Variants in OR56A3 observed in about 807,000 individuals in gnomAD.
OR56A3 encodes olfactory receptor family 56 subfamily A member 3.
OR56A3 carries 23 observed loss-of-function variants against 17.5 expected under a neutral mutation model. The ratio of observed to expected loss-of-function variants is 1.32; its 90% CI spans 0.95 to 1.87. OR56A3 has a LOEUF of 1.87. Ranked by LOEUF, OR56A3 falls within the 40% of genes most tolerant of loss-of-function variation. The pLI, the probability that OR56A3 is intolerant of heterozygous loss-of-function variation, is 0.00. For synonymous variants in OR56A3, 175 were observed against 150.6 expected, an observed-to-expected ratio of 1.16 and a Z score of -1.19; for missense variants, 366 against 380.1, an observed-to-expected ratio of 0.96 and a Z score of 0.31.
the OR56A3 span, among the ~76,000 whole-genome samples, chr11:6,008,223 GAGA>G: frequency 6.6e-6 from 1 of 152,120 alleles, no homozygotes; most frequent in South Asian, 2.1e-4. Flanking sequence ...CACAACTTCT[GAGA>G]AGGAGACATT....
At chr11:5,994,162 T>C in the OR56A3 span, 1 of 510,140 alleles carries the variant, frequency 2.0e-6, no homozygotes, top group Non-Finnish European at 3.8e-6. Flanking sequence ...ATTGAGCTGC[T>C]CCATCTGCAG....
chr11:5,990,997 G>C, the OR56A3 span, among the ~76,000 whole-genome samples: 2 of 152,170 alleles, frequency 1.3e-5, no homozygotes, highest in African/African-American at 4.8e-5. Context: ...TAAGTCTCCA[G>C]TTCAATCTCC....
At chr11:6,016,539 A>C in the OR56A3 span, among the ~76,000 whole-genome samples, 1 of 152,186 alleles carries the variant, frequency 6.6e-6, no homozygotes. Flanking sequence ...TCTTAAAAAA[A>C]ATGAAAAAAA....
chr11:6,005,778 A>G, the OR56A3 span, among the ~76,000 whole-genome samples: 1 of 152,218 alleles, frequency 6.6e-6, no homozygotes, highest in African/African-American at 2.4e-5. Context: ...GCTCTCTACC[A>G]TCTCTTTTAT....
At chr11:5,962,579 C>T in the OR56A3 span, among the ~76,000 whole-genome samples, 52 of 149,270 alleles carry the variant, frequency 3.5e-4, no homozygotes, top group East Asian at 4.5e-3. Context: ...TCGCCCAGGC[C>T]AGACTGCGGA....
chr11:5,958,563 A>G, the OR56A3 span, among the ~76,000 whole-genome samples: 4 of 152,182 alleles, frequency 2.6e-5, no homozygotes, highest in African/African-American at 9.6e-5. Context: ...GTATATATGC[A>G]TTATAAAATG....
chr11:5,988,362 A>G, the OR56A3 span, among the ~76,000 whole-genome samples: 3 of 152,152 alleles, frequency 2.0e-5, no homozygotes, highest in Non-Finnish European at 4.4e-5. Flanking sequence ...ATAACATAGC[A>G]TGGTGAACAT....
chr11:5,959,313 G>A, the OR56A3 span, among the ~76,000 whole-genome samples: 2,114 of 152,096 alleles, frequency 0.014, 25 homozygotes, highest in Admixed American at 0.026. Flanking sequence ...TTTTGTTGTT[G>A]CTGTTTTGTT....
the OR56A3 span, chr11:5,985,900 C>T: frequency 1.3e-6 from 2 of 1,533,350 alleles, no homozygotes; most frequent in Admixed American, 2.0e-5. Context: ...CTGTGGTCCG[C>T]AGAAGAAGCC....
At chr11:6,004,654 A>G in the OR56A3 span, among the ~76,000 whole-genome samples, 1 of 152,240 alleles carries the variant, frequency 6.6e-6, no homozygotes, top group African/African-American at 2.4e-5. Flanking sequence ...TAAAACTGGA[A>G]TAGGCACAAT....
the OR56A3 span, chr11:5,986,794 G>A: frequency 3.7e-6 from 6 of 1,613,910 alleles, no homozygotes; most frequent in African/African-American, 1.3e-5. Flanking sequence ...CAGGGGCAGT[G>A]CAATCCAGTG....
the OR56A3 span, chr11:5,967,912 T>G: frequency 6.3e-7 from 1 of 1,593,088 alleles, no homozygotes. Flanking sequence ...TTCAAGGTGA[T>G]GTCATCACAA....
chr11:6,009,322 G>T, the OR56A3 span, among the ~76,000 whole-genome samples: 2 of 152,074 alleles, frequency 1.3e-5, no homozygotes, highest in Non-Finnish European at 2.9e-5. Flanking sequence ...TGTAAATCCA[G>T]GGTTTCTCTC....
chr11:5,994,436 T>A, the OR56A3 span: 8 of 733,488 alleles, frequency 1.1e-5, no homozygotes, highest in African/African-American at 1.2e-4. Flanking sequence ...CTTGGCATGG[T>A]CCTGAGATTT....
the OR56A3 span, among the ~76,000 whole-genome samples, chr11:6,018,882 G>A: frequency 0.043 from 6,554 of 152,050 alleles, 174 homozygotes; most frequent in South Asian, 0.079. Flanking sequence ...AATATTATCA[G>A]TGACTATTGG....
chr11:5,999,167 A>T, the OR56A3 span, among the ~76,000 whole-genome samples: 2 of 152,310 alleles, frequency 1.3e-5, no homozygotes, highest in Admixed American at 1.3e-4. Context: ...AAGCAAGAGA[A>T]CTTCTCAAGA....
the OR56A3 span, among the ~76,000 whole-genome samples, chr11:5,983,240 T>C: frequency 6.6e-6 from 1 of 152,248 alleles, no homozygotes; most frequent in Non-Finnish European, 1.5e-5. Flanking sequence ...AGTATAAATT[T>C]TTCTCTGTTT....
the OR56A3 span, among the ~76,000 whole-genome samples, chr11:5,975,362 C>T: frequency 8.1e-6 from 1 of 123,652 alleles, no homozygotes; most frequent in Admixed American, 8.9e-5. Flanking sequence ...CCCCCCTCCC[C>T]CCACCCCACA....
the OR56A3 span, chr11:5,968,637 A>G: frequency 1.6e-6 from 1 of 629,080 alleles, no homozygotes. Flanking sequence ...GACCAATCCC[A>G]AATGAAGGCA....
Sources: gnomAD v4.1 joint callset for allele counts (sites outside exome capture counted in the v4.1 genomes callset) on GRCh38, gnomAD v4.1.1 for gene constraint, MANE v1.5 for transcripts, NCBI Gene and HGNC (gene_info 2026-07-23, HGNC 2026-07-21) for gene names.